The following SNTA1 variants were observed in gnomAD, a reference collection of about 807,000 sequenced individuals.
The protein encoded by SNTA1 is syntrophin alpha 1, also known as alpha-1-syntrophin.
Under a neutral mutation model 47.1 loss-of-function variants are expected in SNTA1, and 31 were observed. That is an observed-to-expected ratio of 0.66 (90% CI 0.49 to 0.89). SNTA1 has a LOEUF of 0.89. Ranked by LOEUF, SNTA1 falls within the 40% of genes least tolerant of loss-of-function variation. The probability of loss-of-function intolerance (pLI) is 0.00; values close to 1 mark genes in which losing one functional copy is unlikely to be tolerated. For synonymous variants in SNTA1, 300 were observed against 313.6 expected, an observed-to-expected ratio of 0.96 and a Z score of 0.46; for missense variants, 575 against 693.0, an observed-to-expected ratio of 0.83 and a Z score of 1.91.
At chr20:33,417,197 T>C (rs1438731107) in intron 3 of SNTA1, among the ~76,000 whole-genome samples, 1 of 152,096 alleles carries the variant, frequency 6.6e-6, no homozygotes, top group East Asian at 1.9e-4. Flanking sequence ...CTAAATAATA[T>C]TGCACAGGGA....
At chr20:33,418,001 A>G in intron 2 of SNTA1, 78 bp from the exon 3 acceptor site, 1 of 981,326 alleles carries the variant, frequency 1.0e-6, no homozygotes, top group South Asian at 1.4e-5. Flanking sequence ...TAATTTATTA[A>G]GAGTTTAATT....
At chr20:33,433,536 G>A (rs955174921) in intron 2 of SNTA1, among the ~76,000 whole-genome samples, 1 of 152,140 alleles carries the variant, frequency 6.6e-6, no homozygotes, top group Non-Finnish European at 1.5e-5. Flanking sequence ...CAAAGTGCTA[G>A]GATTACAGGC....
chr20:33,429,671 G>T (rs1273744654), intron 2 of SNTA1, among the ~76,000 whole-genome samples: 1 of 152,096 alleles, frequency 6.6e-6, no homozygotes, highest in Non-Finnish European at 1.5e-5. Context: ...TAGAGACGAG[G>T]CCTTGCCATG....
chr20:33,409,435 C>T (rs916257750), intron 6 of SNTA1, among the ~76,000 whole-genome samples: 2 of 151,934 alleles, frequency 1.3e-5, no homozygotes, highest in Non-Finnish European at 2.9e-5. Flanking sequence ...GGCACCTGCA[C>T]ATCCAAAACA....
In SNTA1 at chr20:33,443,519, A is replaced by G; in HGVS notation, c.102T>C (p.Ser34=). 2 of 1,358,114 alleles carry G rather than the reference A, an allele frequency of 1.5e-6. No homozygotes were observed. The highest frequency in any genetic ancestry group is 1.7e-5 in the South Asian group (1 of 60,488). The allele number at this position is 1,358,114 out of a possible 1,614,324, so 84.1% of individuals were successfully genotyped here. ...TCACGGTCAGCACGTCCTCCGCCAGACTCAGCAGCACCCGCTGCCATCGCT... is the reference window on the plus strand; with the variant it reads ...TCACGGTCAGCACGTCCTCCGCCAGGCTCAGCAGCACCCGCTGCCATCGCT... ...GGERWQRVLL[S]LAEDVLTVSP... Residue 34 remains serine, a synonymous_variant, in exon 1 of 8, where the codon AGT becomes AGC. Coordinates refer to ENST00000217381, the MANE Select transcript of SNTA1 (RefSeq NM_003098.3).
chr20:33,417,025 A>AT (rs1190079692), intron 3 of SNTA1, among the ~76,000 whole-genome samples: 2 of 151,992 alleles, frequency 1.3e-5, no homozygotes, highest in African/African-American at 4.8e-5. Flanking sequence ...AGGCAGGAGA[A>AT]TCACTTGAAC....
Position 33,410,335 on chromosome 20 carries a change from G to C in SNTA1, c.1041-4C>G. 6.3e-7 allele frequency: 1 copy of C among 1,591,200 alleles called. No homozygotes were observed. Among genetic ancestry groups the C allele is most frequent in the Non-Finnish European group, 8.6e-7 (1 of 1,166,722 alleles). On this transcript the variant is annotated splice_region_variant and splice_polypyrimidine_tract_variant and intron_variant, in intron 5 of 7. Transcript: ENST00000217381. ...GGAGGGGCCTGAGTGCACCAGTCTGGGGGTTGGGGGCAGAGGGCTGAGCAT... is the reference window on the plus strand; with the variant it reads ...GGAGGGGCCTGAGTGCACCAGTCTGCGGGTTGGGGGCAGAGGGCTGAGCAT...
At chr20:33,421,157 G>A (rs1157018263) in intron 2 of SNTA1, among the ~76,000 whole-genome samples, 1 of 148,348 alleles carries the variant, frequency 6.7e-6, no homozygotes, top group Non-Finnish European at 1.5e-5. Context: ...TGGTAACAGA[G>A]TGATACCCTG....
At chr20:33,410,641 T>C (rs1020621309) in intron 5 of SNTA1, among the ~76,000 whole-genome samples, 2 of 152,204 alleles carry the variant, frequency 1.3e-5, no homozygotes, top group African/African-American at 4.8e-5. Flanking sequence ...ACTCCCTCAC[T>C]TCCTTCAGAT....
intron 2 of SNTA1, among the ~76,000 whole-genome samples, chr20:33,436,390 A>G (rs1038573362): frequency 2.0e-5 from 3 of 152,184 alleles, no homozygotes; most frequent in Non-Finnish European, 4.4e-5. Flanking sequence ...CGCATTGCTG[A>G]CTATAAATAT....
chr20:33,420,990 A>G lies in SNTA1; in HGVS notation c.497-3067T>C, dbSNP rs1990004813. On this transcript the variant is annotated intron_variant, in intron 2 of 7. Transcript: ENST00000217381. ...CAGAGCAAGACCCCGTCTCAAAAAA[A>G]AAAAAGAAAAAGAAAGTAAAATTTA... 4.0e-5 allele frequency among the ~76,000 whole-genome samples: 6 copies of G among 151,828 alleles called. No homozygotes were observed. The South Asian group carries it at 1.2e-3, about 32-fold the overall frequency.
chr20:33,417,310 G>GTAAC (rs957954395), intron 3 of SNTA1, among the ~76,000 whole-genome samples: 3 of 152,114 alleles, frequency 2.0e-5, no homozygotes, highest in Non-Finnish European at 4.4e-5. Flanking sequence ...TGTGAAGGAT[G>GTAAC]TAACCTTCCA....
chr20:33,410,936 G>A lies in SNTA1; in HGVS notation c.1041-605C>T, dbSNP rs1394944941. ...CTAACTTGAATCACTTGATTAGGCA[G>A]ACAGTCCAGGACCTAGTTATCCCTA... On this transcript the variant is annotated intron_variant, in intron 5 of 7. Coordinates refer to ENST00000217381, the MANE Select transcript of SNTA1 (RefSeq NM_003098.3). Among the ~76,000 whole-genome samples the A allele has an allele frequency of 5.3e-5, 8 of 152,238 alleles. No individual in the cohort carries two copies. The East Asian group carries it at 1.5e-3, about 29-fold the overall frequency.
chr20:33,437,074 C>T (rs1203214009), intron 2 of SNTA1, among the ~76,000 whole-genome samples: 1 of 151,074 alleles, frequency 6.6e-6, no homozygotes, highest in Admixed American at 6.6e-5. Context: ...ACCAGCCTGG[C>T]CAATATGGTG....
At chr20:33,415,509 G>A (rs747209936) in intron 3 of SNTA1, among the ~76,000 whole-genome samples, 2 of 152,026 alleles carry the variant, frequency 1.3e-5, no homozygotes, top group Non-Finnish European at 2.9e-5. Flanking sequence ...ACAGCCGGGC[G>A]CGGTGGCTCA....
chr20:33,430,295 T>TA (rs1990271763), intron 2 of SNTA1, among the ~76,000 whole-genome samples: 1 of 145,392 alleles, frequency 6.9e-6, no homozygotes, highest in Admixed American at 6.8e-5. Context: ...TTCTTTTTTT[T>TA]TTTTTTTTTT....
Position 33,408,791 on chromosome 20 carries a change from G to A in SNTA1, c.1335C>T (p.Leu445=), listed in dbSNP as rs758429290. The A allele has an allele frequency of 1.4e-5, 23 of 1,614,080 alleles. No homozygotes were observed. The South Asian group carries it at 2.5e-4, about 18-fold the overall frequency. ...GCAGCTTCTCGAAGGGCTGTCGCAG[G>A]AGCACAGCTCGGGCTGCACCTGGCT... ...AAEPGAARAV[L]LRQPFEKLQM... is the part of the protein sequence containing the mutation. The change falls in exon 7 of 8, where the codon CTC becomes CTT. Residue 445 remains leucine (L), a synonymous_variant. Coordinates refer to ENST00000217381, the MANE Select transcript of SNTA1 (RefSeq NM_003098.3).
At chr20:33,426,590 C>T (rs562179558) in intron 2 of SNTA1, among the ~76,000 whole-genome samples, 6 of 151,412 alleles carry the variant, frequency 4.0e-5, no homozygotes, top group South Asian at 2.1e-4. Context: ...GATGAAACCT[C>T]GTCTCTCCTA....
intron 2 of SNTA1, among the ~76,000 whole-genome samples, chr20:33,420,229 T>G (rs977425920): frequency 6.6e-6 from 1 of 152,048 alleles, no homozygotes; most frequent in Non-Finnish European, 1.5e-5. Flanking sequence ...CAGCCTACTT[T>G]TTGACCACAA....
Sources: allele counts gnomAD v4.1 joint callset (sites outside exome capture counted in the v4.1 genomes callset), GRCh38; gene constraint gnomAD v4.1.1; transcripts MANE v1.5; gene names NCBI Gene and HGNC (gene_info 2026-07-23, HGNC 2026-07-21).